CTNNA3: variants seen among roughly 807,000 people sequenced by gnomAD.
The protein encoded by CTNNA3 is catenin alpha-3.
Under a neutral mutation model 95.7 loss-of-function variants are expected in CTNNA3, and 76 were observed. That is an observed-to-expected ratio of 0.79 (90% CI 0.66 to 0.96). The LOEUF (loss-of-function observed/expected upper bound fraction) is 0.96, where lower values mean the gene tolerates loss of function less well. Among genes scored for constraint, CTNNA3 ranks in the 40% least tolerant of loss-of-function variants. The probability of loss-of-function intolerance (pLI) is 0.00; values close to 1 mark genes in which losing one functional copy is unlikely to be tolerated. For synonymous variants in CTNNA3, 431 were observed against 374.4 expected, an observed-to-expected ratio of 1.15 and a Z score of -1.74; for missense variants, 1,191 against 1,089.8, an observed-to-expected ratio of 1.09 and a Z score of -1.31.
At chr10:67,701,594 C>A (rs1162688848) in intron 1 of CTNNA3, among the ~76,000 whole-genome samples, 1 of 152,208 alleles carries the variant, frequency 6.6e-6, no homozygotes, top group Admixed American at 6.5e-5. Flanking sequence ...TTGTCACCAA[C>A]AGGCCTGCCC....
intron 14 of CTNNA3, among the ~76,000 whole-genome samples, chr10:66,069,768 A>C (rs977916522): frequency 6.6e-6 from 1 of 152,154 alleles, no homozygotes; most frequent in Non-Finnish European, 1.5e-5. Context: ...TAAATGTGGG[A>C]CTTTGCAAAT....
At chr10:66,977,838 C>G (rs1451271529) in intron 7 of CTNNA3, among the ~76,000 whole-genome samples, 2 of 152,062 alleles carry the variant, frequency 1.3e-5, no homozygotes, top group Non-Finnish European at 2.9e-5. Flanking sequence ...GCTTTATAGC[C>G]TCCTATATGT....
intron 5 of CTNNA3, among the ~76,000 whole-genome samples, chr10:67,516,314 T>A (rs1001937030): frequency 6.6e-6 from 1 of 152,212 alleles, no homozygotes; most frequent in Non-Finnish European, 1.5e-5. Context: ...TCTAGCTGAT[T>A]CACTACTTTT....
At chr10:67,639,511 C>T (rs1839447524) in intron 2 of CTNNA3, among the ~76,000 whole-genome samples, 1 of 152,174 alleles carries the variant, frequency 6.6e-6, no homozygotes, top group Non-Finnish European at 1.5e-5. Context: ...TTTTATGAGG[C>T]CAGCATCATC....
chr10:67,359,655 TA>T (rs1174389785), intron 5 of CTNNA3, among the ~76,000 whole-genome samples: 16 of 152,012 alleles, frequency 1.1e-4, no homozygotes, highest in Non-Finnish European at 1.5e-5. Flanking sequence ...CAGACAAAAA[TA>T]AAGAAAAAAA....
chr10:67,218,721 CCA>C (rs773286106), intron 6 of CTNNA3, among the ~76,000 whole-genome samples: 1 of 152,194 alleles, frequency 6.6e-6, no homozygotes, highest in Non-Finnish European at 1.5e-5. Flanking sequence ...TCCACCAACA[CCA>C]CTCTAGTCTA....
At chr10:66,564,110 C>T (rs1033776180) in intron 10 of CTNNA3, among the ~76,000 whole-genome samples, 5 of 152,144 alleles carry the variant, frequency 3.3e-5, no homozygotes, top group Non-Finnish European at 5.9e-5. Flanking sequence ...TGAGACCTGT[C>T]GCAGATATTT....
At chr10:66,669,236 G>A (rs1846570008) in intron 9 of CTNNA3, among the ~76,000 whole-genome samples, 1 of 151,982 alleles carries the variant, frequency 6.6e-6, no homozygotes, top group Non-Finnish European at 1.5e-5. Flanking sequence ...TGTCATAGCA[G>A]ATCATGTTAA....
intron 15 of CTNNA3, among the ~76,000 whole-genome samples, chr10:66,051,772 A>G (rs1467501130): frequency 6.6e-6 from 1 of 152,202 alleles, no homozygotes; most frequent in Non-Finnish European, 1.5e-5. Flanking sequence ...TCAGTTCAGA[A>G]ACATGATAGA....
chr10:66,231,822 A>G (rs1589801228), intron 13 of CTNNA3, among the ~76,000 whole-genome samples: 2 of 152,198 alleles, frequency 1.3e-5, no homozygotes, highest in East Asian at 3.9e-4. Context: ...CAACAATGAG[A>G]AAGCTGACAG....
At chr10:67,562,328 G>A (rs1364205718) in intron 3 of CTNNA3, among the ~76,000 whole-genome samples, 1 of 152,102 alleles carries the variant, frequency 6.6e-6, no homozygotes, top group East Asian at 1.9e-4. Context: ...TGCAAGGCTG[G>A]TTCAACATAC....
intron 5 of CTNNA3, among the ~76,000 whole-genome samples, chr10:67,459,254 G>C (rs1847287535): frequency 6.6e-6 from 1 of 152,158 alleles, no homozygotes; most frequent in Non-Finnish European, 1.5e-5. Flanking sequence ...AAATGACAAT[G>C]ATCTACAGTG....
At chr10:67,390,336 T>C (rs1198823886) in intron 5 of CTNNA3, among the ~76,000 whole-genome samples, 1 of 151,912 alleles carries the variant, frequency 6.6e-6, no homozygotes, top group Non-Finnish European at 1.5e-5. Flanking sequence ...ACACATACAC[T>C]CTCCCAAGAC....
intron 13 of CTNNA3, among the ~76,000 whole-genome samples, chr10:66,140,181 C>CCTATTAGT (rs2083544021): frequency 6.6e-6 from 1 of 152,122 alleles, no homozygotes; most frequent in East Asian, 1.9e-4. Context: ...AGAGAGAAAA[C>CCTATTAGT]CTATTAGTTG....
intron 12 of CTNNA3, among the ~76,000 whole-genome samples, chr10:66,350,452 G>T (rs935699748): frequency 6.6e-6 from 1 of 151,976 alleles, no homozygotes; most frequent in African/African-American, 2.4e-5. Context: ...AAAATAGAAT[G>T]TTGAACGAAT....
In CTNNA3 at chr10:66,638,618, C is replaced by A. The variant is rs145817420; in HGVS notation, c.1282-16834G>T. Among the ~76,000 whole-genome samples, 615 of 152,218 alleles carry A rather than the reference C, an allele frequency of 4.0e-3. 4 individuals carry two copies. The highest frequency in any genetic ancestry group is 0.014 in the African/African-American group (566 of 41,538). ...GTCTTCCTCCATTCATCTTCCACAT[C>A]CTCTTTTTTCAAGGCCCACACCATC... On this transcript the variant is annotated intron_variant, in intron 9 of 17. Coordinates refer to ENST00000433211, the MANE Select transcript of CTNNA3 (RefSeq NM_013266.4).
chr10:67,004,734 T>C (rs111355469), intron 7 of CTNNA3, among the ~76,000 whole-genome samples: 189 of 152,344 alleles, frequency 1.2e-3, no homozygotes, highest in Non-Finnish European at 1.9e-3. Flanking sequence ...TTTTAACTTA[T>C]ATCATGTCAA....
intron 15 of CTNNA3, among the ~76,000 whole-genome samples, chr10:66,054,831 G>A (rs2133549796): frequency 6.6e-6 from 1 of 152,212 alleles, no homozygotes; most frequent in African/African-American, 2.4e-5. Context: ...TTTCCCCAAT[G>A]TTTTCTTCTA....
intron 13 of CTNNA3, among the ~76,000 whole-genome samples, chr10:66,199,329 C>T (rs562510291): frequency 1.3e-4 from 20 of 152,142 alleles, no homozygotes; most frequent in African/African-American, 3.9e-4. Context: ...TCACGAAATA[C>T]CAGCTGCCCA....
Sources: allele counts gnomAD v4.1 joint callset (sites outside exome capture counted in the v4.1 genomes callset), GRCh38; gene constraint gnomAD v4.1.1; transcripts MANE v1.5; gene names NCBI Gene and HGNC (gene_info 2026-07-23, HGNC 2026-07-21).